The following GALNTL5 variants were observed in gnomAD, a reference collection of about 807,000 sequenced individuals.
GALNTL5 encodes inactive polypeptide N-acetylgalactosaminyltransferase-like protein 5.
Under a neutral mutation model 51.0 loss-of-function variants are expected in GALNTL5, and 44 were observed. The ratio of observed to expected loss-of-function variants is 0.86; its 90% CI spans 0.68 to 1.11. The LOEUF (loss-of-function observed/expected upper bound fraction) is 1.11, where lower values mean the gene tolerates loss of function less well. GALNTL5 is among the 50% of genes least tolerant of loss of function. GALNTL5 has a pLI of 0.00. For missense variants in GALNTL5, 528 were observed against 531.8 expected, an observed-to-expected ratio of 0.99 and a Z score of 0.07; for synonymous variants, 192 against 182.8, an observed-to-expected ratio of 1.05 and a Z score of -0.41.
chr7:151,960,932 G>A (rs2080984334), intron 1 of GALNTL5, among the ~76,000 whole-genome samples: 1 of 152,184 alleles, frequency 6.6e-6, no homozygotes, highest in Non-Finnish European at 1.5e-5. Context: ...TGATGCCATG[G>A]AATTGCTCTG....
chr7:151,988,765 A>C lies in GALNTL5; in HGVS notation c.658+1484A>C, dbSNP rs370046651. ...CCCTCTGTCACCCAGGCTGGAGTGC[A>C]ATGGCACAATCTGTAACCTCCTCCC... On this transcript the variant is annotated intron_variant, in intron 5 of 8. Transcript: ENST00000392800. 1.7e-4 allele frequency among the ~76,000 whole-genome samples: 26 copies of C among 150,382 alleles called. No individual in the cohort carries two copies. In the East Asian group the frequency reaches 4.3e-3, roughly 25 times the overall value.
chr7:152,005,223 TAACACAC>T (rs1678553014), intron 6 of GALNTL5, among the ~76,000 whole-genome samples: 1 of 151,280 alleles, frequency 6.6e-6, no homozygotes. Flanking sequence ...TTGGAAAACT[TAACACAC>T]ACACACACAA....
chr7:151,994,481 T>C (rs1199012229), intron 5 of GALNTL5, among the ~76,000 whole-genome samples: 1 of 151,942 alleles, frequency 6.6e-6, no homozygotes, highest in Non-Finnish European at 1.5e-5. Context: ...CGTGATGTGC[T>C]CCCTGCTTTC....
At chr7:152,018,648 G>C (rs559896008) in intron 8 of GALNTL5, among the ~76,000 whole-genome samples, 1 of 152,240 alleles carries the variant, frequency 6.6e-6, no homozygotes, top group South Asian at 2.1e-4. Flanking sequence ...GGACAAGAGA[G>C]GGCTTTGGAC....
Position 152,011,773 on chromosome 7 carries a change from A to T in GALNTL5, c.1027-2871A>T, listed in dbSNP as rs926752161. Among the ~76,000 whole-genome samples, 3 of 152,350 alleles carry T rather than the reference A, an allele frequency of 2.0e-5. No individual in the cohort carries two copies. The East Asian group carries it at 5.8e-4, about 29-fold the overall frequency. On this transcript the variant is annotated intron_variant, in intron 7 of 8. Coordinates refer to ENST00000392800, the MANE Select transcript of GALNTL5 (RefSeq NM_145292.4). ...CCTCCTTCTCTGCCTGGAACACTCC[A>T]GTACCTCAGTGGGTTACCCTTGGCC...
chr7:151,971,758 T>C (rs1316328616), intron 3 of GALNTL5, among the ~76,000 whole-genome samples: 1 of 152,168 alleles, frequency 6.6e-6, no homozygotes, highest in African/African-American at 2.4e-5. Context: ...CTCATGCTGT[T>C]CTCATGATAG....
At chr7:151,970,149 G>GGA (rs2081115646) in intron 2 of GALNTL5, among the ~76,000 whole-genome samples, 1 of 66,282 alleles carries the variant, frequency 1.5e-5, no homozygotes, top group African/African-American at 4.2e-5. Flanking sequence ...GGGGGTAGTT[G>GGA]GGGGGGCCCC....
chr7:152,015,207 C>T (rs2081791772), intron 8 of GALNTL5, among the ~76,000 whole-genome samples: 1 of 152,038 alleles, frequency 6.6e-6, no homozygotes, highest in Non-Finnish European at 1.5e-5. Context: ...GTTTTAATTT[C>T]TGGGAAAACT....
In GALNTL5 at chr7:152,002,801, A is replaced by G. The variant is rs1266354551; in HGVS notation, c.746A>G (p.Lys249Arg). ...CTGCATGCCATTGCCAAGGACCCCA[A>G]AATGGTGGTGTGCCCCCTGATAGAT... Reference protein sequence around the residue: ...PLLHAIAKDPKMVVCPLIDVI... With the variant: ...PLLHAIAKDPRMVVCPLIDVI... Residue 249 changes from lysine to arginine, a missense_variant, in exon 6 of 9, where the codon AAA becomes AGA. Lys to Arg is a conservative substitution (Grantham distance 26). Coordinates refer to ENST00000392800, the MANE Select transcript of GALNTL5 (RefSeq NM_145292.4). The G allele has an allele frequency of 6.2e-7, 1 of 1,614,196 alleles. No homozygotes were observed. Among genetic ancestry groups the G allele is most frequent in the Admixed American group, 1.7e-5 (1 of 60,016 alleles).
At position 151,987,144 on chromosome 7, in the gene GALNTL5, T is replaced by C. The variant is rs778815297; in HGVS notation, c.536-15T>C. On this transcript the variant is annotated splice_polypyrimidine_tract_variant and intron_variant, in intron 4 of 8. Coordinates refer to ENST00000392800, the MANE Select transcript of GALNTL5 (RefSeq NM_145292.4). Reference sequence around the variant, plus strand: ...TTGCCGTTTATACATTCTCATGTGTTGAATATTTTTCCAGATGATTTGAAA... The same window carrying C: ...TTGCCGTTTATACATTCTCATGTGTCGAATATTTTTCCAGATGATTTGAAA... 7.6e-6 allele frequency: 12 copies of C among 1,583,606 alleles called. No homozygotes were observed. In the South Asian group the frequency reaches 1.4e-4, roughly 19 times the overall value.
chr7:151,995,738 CAT>C (rs1164882487), intron 5 of GALNTL5, among the ~76,000 whole-genome samples: 3 of 151,854 alleles, frequency 2.0e-5, no homozygotes, highest in Non-Finnish European at 2.9e-5. Flanking sequence ...ATAATTAAAA[CAT>C]AAACATTGAA....
intron 3 of GALNTL5, 86 bp downstream of exon 3, chr7:151,971,151 T>C (rs906254432): frequency 9.3e-6 from 7 of 753,352 alleles, no homozygotes; most frequent in South Asian, 1.9e-5. Context: ...AGAAAACAGT[T>C]ACTAACCAGA....
At chr7:151,983,369 G>A (rs899797095) in intron 4 of GALNTL5, among the ~76,000 whole-genome samples, 2 of 152,032 alleles carry the variant, frequency 1.3e-5, no homozygotes, top group African/African-American at 4.8e-5. Context: ...GTAGAGACGG[G>A]GTTTCACCAT....
intron 7 of GALNTL5, among the ~76,000 whole-genome samples, chr7:152,010,271 CCTGG>C (rs936259136): frequency 6.6e-6 from 1 of 152,048 alleles, no homozygotes; most frequent in African/African-American, 2.4e-5. Context: ...CACCACAACA[CCTGG>C]CTAATTGTTT....
intron 5 of GALNTL5, among the ~76,000 whole-genome samples, chr7:151,991,871 G>A (rs2081432513): frequency 6.6e-6 from 1 of 152,084 alleles, no homozygotes. Context: ...GATTAAAATG[G>A]GAAAGAATTT....
Position 152,000,438 on chromosome 7 carries a change from C to T in GALNTL5, c.659-2276C>T, listed in dbSNP as rs2081558549. 2.0e-5 allele frequency among the ~76,000 whole-genome samples: 3 copies of T among 152,220 alleles called. 1 individual carries two copies. In the South Asian group the frequency reaches 6.2e-4, roughly 31 times the overall value. ...GGTCCTCAAAGTTGCTATTGCCAGC[C>T]ACACACCCTCAGAGAACTCAGCCCA... On this transcript the variant is annotated intron_variant, in intron 5 of 8. Transcript: ENST00000392800.
intron 7 of GALNTL5, among the ~76,000 whole-genome samples, chr7:152,011,621 C>T (rs1433243640): frequency 6.6e-6 from 1 of 152,232 alleles, no homozygotes; most frequent in African/African-American, 2.4e-5. Context: ...AGACTCCACC[C>T]AAGGTTGCTA....
chr7:152,000,515 C>T (rs2081560983), intron 5 of GALNTL5, among the ~76,000 whole-genome samples: 1 of 152,182 alleles, frequency 6.6e-6, no homozygotes, highest in East Asian at 1.9e-4. Flanking sequence ...TACTCCTCCC[C>T]TCCCACCCAT....
At chr7:151,990,703 G>T (rs1425924810) in intron 5 of GALNTL5, among the ~76,000 whole-genome samples, 2 of 151,458 alleles carry the variant, frequency 1.3e-5, no homozygotes, top group African/African-American at 4.9e-5. Context: ...CAAGTAACAT[G>T]TACCATTTCC....
Sources: gnomAD v4.1 joint callset for allele counts (sites outside exome capture counted in the v4.1 genomes callset) on GRCh38, gnomAD v4.1.1 for gene constraint, MANE v1.5 for transcripts, NCBI Gene and HGNC (gene_info 2026-07-23, HGNC 2026-07-21) for gene names.